Variants in SGCZ observed in about 807,000 individuals in gnomAD.
The protein encoded by SGCZ is zeta-sarcoglycan.
Under a neutral mutation model 41.3 loss-of-function variants are expected in SGCZ, and 40 were observed. That is an observed-to-expected ratio of 0.97 (90% CI 0.75 to 1.26). The LOEUF (loss-of-function observed/expected upper bound fraction) is 1.26. Among genes scored for constraint, SGCZ ranks in the 50% most tolerant of loss-of-function variants. The pLI is 0.00. For missense variants in SGCZ, 552 were observed against 369.8 expected (o/e 1.49, Z -4.04); for synonymous variants, 206 against 137.5 (o/e 1.50, Z -3.49).
chr8:14,239,319 G>C (rs752484784), intron 3 of SGCZ, among the ~76,000 whole-genome samples: 1 of 151,480 alleles, frequency 6.6e-6, no homozygotes, highest in Non-Finnish European at 1.5e-5. Flanking sequence ...TTCAATGTAA[G>C]TATGTTAAAA....
At chr8:14,545,341 G>T (rs1803592692) in intron 2 of SGCZ, among the ~76,000 whole-genome samples, 1 of 150,714 alleles carries the variant, frequency 6.6e-6, no homozygotes, top group Non-Finnish European at 1.5e-5. Context: ...TTTTTATTAA[G>T]ATAATATTAT....
intron 2 of SGCZ, among the ~76,000 whole-genome samples, chr8:14,370,379 A>G (rs1456605778): frequency 6.6e-6 from 1 of 151,930 alleles, no homozygotes; most frequent in Admixed American, 6.6e-5. Context: ...TTTCATAAAT[A>G]TAACAACTAT....
At chr8:14,159,446 C>T (rs572139951) in intron 5 of SGCZ, among the ~76,000 whole-genome samples, 3 of 152,072 alleles carry the variant, frequency 2.0e-5, no homozygotes, top group Non-Finnish European at 4.4e-5. Context: ...GTGAAGATGG[C>T]ATTCTTTATT....
intron 1 of SGCZ, among the ~76,000 whole-genome samples, chr8:14,593,305 A>T (rs2117290605): frequency 6.6e-6 from 1 of 152,282 alleles, no homozygotes; most frequent in African/African-American, 2.4e-5. Context: ...TTTGAGGAAA[A>T]GGCTACTAAC....
chr8:15,206,846 G>T (rs1199053427), intron 1 of SGCZ, among the ~76,000 whole-genome samples: 2 of 152,054 alleles, frequency 1.3e-5, no homozygotes, highest in Non-Finnish European at 2.9e-5. Context: ...GGGTACTTTA[G>T]AAAGGTGAAT....
At chr8:14,269,783 T>C (rs1486984078) in intron 3 of SGCZ, among the ~76,000 whole-genome samples, 1 of 152,152 alleles carries the variant, frequency 6.6e-6, no homozygotes, top group Non-Finnish European at 1.5e-5. Flanking sequence ...GACACTGCTG[T>C]GGGGTCAGCC....
At chr8:14,209,604 G>C (rs1805732522) in intron 4 of SGCZ, among the ~76,000 whole-genome samples, 1 of 151,850 alleles carries the variant, frequency 6.6e-6, no homozygotes. Flanking sequence ...TTTAATATAG[G>C]ACATGTTCAT....
intron 3 of SGCZ, among the ~76,000 whole-genome samples, chr8:14,268,248 A>G (rs1799943572): frequency 6.7e-6 from 1 of 149,346 alleles, no homozygotes; most frequent in Non-Finnish European, 1.5e-5. Context: ...AATTATATAC[A>G]ATTTCTGTTT....
chr8:15,083,742 G>GT (rs1034577332), intron 1 of SGCZ, among the ~76,000 whole-genome samples: 1 of 151,864 alleles, frequency 6.6e-6, no homozygotes, highest in African/African-American at 2.4e-5. Flanking sequence ...TGTTTTTTGG[G>GT]TTTTTTGTTG....
chr8:14,597,855 C>A (rs1172509028), intron 1 of SGCZ, among the ~76,000 whole-genome samples: 1 of 152,130 alleles, frequency 6.6e-6, no homozygotes, highest in Non-Finnish European at 1.5e-5. Context: ...TAGAACTGTA[C>A]AGTCATGTTT....
At chr8:14,590,103 T>C (rs1394631167) in intron 1 of SGCZ, among the ~76,000 whole-genome samples, 5 of 141,606 alleles carry the variant, frequency 3.5e-5, no homozygotes, top group Non-Finnish European at 7.8e-5. Context: ...GGATTGTTCT[T>C]TGGTAAAAAA....
At chr8:14,849,010 T>G (rs990674037) in intron 1 of SGCZ, among the ~76,000 whole-genome samples, 1 of 152,074 alleles carries the variant, frequency 6.6e-6, no homozygotes, top group African/African-American at 2.4e-5. Flanking sequence ...ATTAAAAATT[T>G]AGTAAAATAT....
chr8:14,426,399 G>T (rs1035522662), intron 2 of SGCZ, among the ~76,000 whole-genome samples: 3 of 151,890 alleles, frequency 2.0e-5, no homozygotes, highest in Non-Finnish European at 4.4e-5. Flanking sequence ...GGTAGTTACT[G>T]ATCTTCATAA....
At chr8:15,022,944 T>C (rs1216691165) in intron 1 of SGCZ, among the ~76,000 whole-genome samples, 2 of 152,184 alleles carry the variant, frequency 1.3e-5, no homozygotes, top group South Asian at 4.1e-4. Context: ...ATTCCGACAG[T>C]AAGCCTTGGA....
chr8:14,577,272 C>T (rs1804738898), intron 1 of SGCZ, among the ~76,000 whole-genome samples: 1 of 151,462 alleles, frequency 6.6e-6, no homozygotes, highest in East Asian at 1.9e-4. Context: ...TGCTCGAATA[C>T]AAGTATGTCA....
At chr8:14,952,593 T>A (rs1189930682) in intron 1 of SGCZ, among the ~76,000 whole-genome samples, 1 of 152,188 alleles carries the variant, frequency 6.6e-6, no homozygotes, top group Non-Finnish European at 1.5e-5. Flanking sequence ...AATACAATGA[T>A]TTTGCAATGA....
chr8:14,705,238 A>G (rs1003773963), intron 1 of SGCZ, among the ~76,000 whole-genome samples: 1 of 151,920 alleles, frequency 6.6e-6, no homozygotes, highest in Non-Finnish European at 1.5e-5. Flanking sequence ...GGTGGGGAAC[A>G]TGGACTACAT....
intron 1 of SGCZ, among the ~76,000 whole-genome samples, chr8:14,635,948 G>A (rs1806814022): frequency 4.0e-5 from 6 of 151,874 alleles, no homozygotes; most frequent in Admixed American, 6.6e-5. Context: ...AATATAGTAG[G>A]TGCTGTGTTG....
At chr8:14,099,630 C>G (rs1801949939) in intron 7 of SGCZ, among the ~76,000 whole-genome samples, 1 of 152,086 alleles carries the variant, frequency 6.6e-6, no homozygotes, top group Non-Finnish European at 1.5e-5. Flanking sequence ...GAGGCTGAGG[C>G]AGGACAATCG....
Sources: gnomAD v4.1 joint callset for allele counts (sites outside exome capture counted in the v4.1 genomes callset) on GRCh38, gnomAD v4.1.1 for gene constraint, MANE v1.5 for transcripts, NCBI Gene and HGNC (gene_info 2026-07-23, HGNC 2026-07-21) for gene names.